The following RANBP2 variants were observed in gnomAD, a reference collection of about 807,000 sequenced individuals.
RANBP2 encodes the protein E3 SUMO-protein ligase RanBP2.
In RANBP2, 57 loss-of-function variants were observed where a neutral mutation model predicts 303.6. The observed-to-expected ratio is 0.19, with a 90% confidence interval of 0.15 to 0.23. The LOEUF is 0.23. RANBP2 is among the 10% of genes least tolerant of loss of function. The probability of loss-of-function intolerance (pLI) is 1.00; values close to 1 mark genes in which losing one functional copy is unlikely to be tolerated. For missense variants in RANBP2, 3,138 were observed against 3,780.8 expected (o/e 0.83, Z 4.46); for synonymous variants, 1,167 against 1,301.5 (o/e 0.90, Z 2.23).
the RANBP2 span, chr2:109,437,213 A>T: frequency 6.6e-7 from 1 of 1,525,552 alleles, no homozygotes; most frequent in Middle Eastern, 1.9e-4. Context: ...TGCTTGTGAG[A>T]CACATCTTGG....
At chr2:109,025,192 C>T in the RANBP2 span, among the ~76,000 whole-genome samples, 2 of 152,322 alleles carry the variant, frequency 1.3e-5, no homozygotes, top group African/African-American at 4.8e-5. Context: ...TTAGAATTTC[C>T]TTCCTTTTTA....
chr2:109,679,333 T>G, the RANBP2 span, among the ~76,000 whole-genome samples: 4 of 152,210 alleles, frequency 2.6e-5, no homozygotes, highest in Non-Finnish European at 5.9e-5. Flanking sequence ...AGAAGCACCA[T>G]GAGTACTCAG....
At chr2:109,360,800 A>T in the RANBP2 span, among the ~76,000 whole-genome samples, 1 of 152,132 alleles carries the variant, frequency 6.6e-6, no homozygotes, top group Non-Finnish European at 1.5e-5. Flanking sequence ...CAATCTGTAC[A>T]CTTTTAATTT....
the RANBP2 span, chr2:109,544,531 AAAC>A: frequency 1.0e-6 from 1 of 984,412 alleles, no homozygotes; most frequent in Non-Finnish European, 1.2e-6. Context: ...CTGATTTTGC[AAAC>A]AACAGCAGGG....
the RANBP2 span, among the ~76,000 whole-genome samples, chr2:109,733,897 C>G: frequency 2.0e-5 from 3 of 151,144 alleles, no homozygotes; most frequent in Non-Finnish European, 1.5e-5. Flanking sequence ...GTCGGCCGGG[C>G]GCAGTGTCTC....
the RANBP2 span, among the ~76,000 whole-genome samples, chr2:108,932,528 CAAAAAAAAAAAA>C: frequency 2.6e-5 from 1 of 39,124 alleles, no homozygotes; most frequent in South Asian, 1.1e-3. Flanking sequence ...GACTCTGTCT[CAAAAAAAAAAAA>C]AAAAAAAAAA....
the RANBP2 span, among the ~76,000 whole-genome samples, chr2:109,547,374 T>G: frequency 2.0e-5 from 3 of 151,548 alleles, no homozygotes; most frequent in African/African-American, 7.3e-5. Flanking sequence ...AACTTGTTTT[T>G]TTTTTTTTTT....
At chr2:109,004,253 C>T in the RANBP2 span, among the ~76,000 whole-genome samples, 3 of 152,184 alleles carry the variant, frequency 2.0e-5, no homozygotes, top group African/African-American at 4.8e-5. Flanking sequence ...CCCACCCTCA[C>T]GTGCTGTGGG....
At chr2:108,865,295 G>T in the RANBP2 span, among the ~76,000 whole-genome samples, 1 of 152,250 alleles carries the variant, frequency 6.6e-6, no homozygotes, top group Admixed American at 6.5e-5. Context: ...CAGTGCTTCT[G>T]TGAATAACCG....
At chr2:109,049,379 G>A in the RANBP2 span, among the ~76,000 whole-genome samples, 1 of 152,228 alleles carries the variant, frequency 6.6e-6, no homozygotes, top group Non-Finnish European at 1.5e-5. Context: ...CGTGTTAGGT[G>A]TATTTTTACT....
At chr2:108,941,205 C>T in the RANBP2 span, among the ~76,000 whole-genome samples, 183 of 152,328 alleles carry the variant, frequency 1.2e-3, no homozygotes, top group African/African-American at 4.3e-3. Flanking sequence ...CCACTGCATT[C>T]GTAAACCACA....
chr2:108,895,609 C>G, the RANBP2 span: 5 of 152,374 alleles, frequency 3.3e-5, no homozygotes, highest in South Asian at 8.3e-4. Context: ...TAGAGCACCT[C>G]AAAGGCCTGG....
At chr2:109,478,955 T>C in the RANBP2 span, among the ~76,000 whole-genome samples, 16 of 152,156 alleles carry the variant, frequency 1.1e-4, no homozygotes, top group African/African-American at 3.6e-4. Flanking sequence ...GTCCACCATG[T>C]TTAGGCCTTA....
At chr2:109,664,611 GTAAA>G in the RANBP2 span, among the ~76,000 whole-genome samples, 2 of 151,428 alleles carry the variant, frequency 1.3e-5, no homozygotes, top group Admixed American at 1.3e-4. Context: ...ATTAAAATAA[GTAAA>G]TAAATAAATA....
At chr2:109,254,873 A>T in the RANBP2 span, among the ~76,000 whole-genome samples, 1 of 152,262 alleles carries the variant, frequency 6.6e-6, no homozygotes, top group East Asian at 1.9e-4. Flanking sequence ...CCGAATTCTC[A>T]CGGGTGGGCT....
At chr2:108,930,498 A>G in the RANBP2 span, among the ~76,000 whole-genome samples, 2 of 152,052 alleles carry the variant, frequency 1.3e-5, no homozygotes, top group African/African-American at 2.4e-5. Context: ...CCATCCCACC[A>G]TCAAGGCCTG....
chr2:109,175,347 A>G, the RANBP2 span, among the ~76,000 whole-genome samples: 1 of 152,224 alleles, frequency 6.6e-6, no homozygotes, highest in African/African-American at 2.4e-5. Flanking sequence ...ATCCTGCAGC[A>G]CAGAAACAAA....
At chr2:108,819,861 G>C in the RANBP2 span, among the ~76,000 whole-genome samples, 2 of 81,822 alleles carry the variant, frequency 2.4e-5, no homozygotes, top group African/African-American at 5.4e-5. Flanking sequence ...AAGAAATGCA[G>C]ATCTCTGAAC....
At chr2:108,783,460 C>G in intron 28 of RANBP2, 136 bp from the exon 29 acceptor site, 2 of 534,234 alleles carry the variant, frequency 3.7e-6, no homozygotes, top group South Asian at 6.9e-5. Context: ...TCTTAGTTTT[C>G]AAACTATACT....
Sources: allele counts gnomAD v4.1 joint callset (sites outside exome capture counted in the v4.1 genomes callset), GRCh38; gene constraint gnomAD v4.1.1; transcripts MANE v1.5; gene names NCBI Gene and HGNC (gene_info 2026-07-23, HGNC 2026-07-21).